Variants in ROR1 observed in about 807,000 individuals in gnomAD.
ROR1 encodes ROR family WNT receptor 1.
ROR1 carries 19 observed loss-of-function variants against 78.8 expected under a neutral mutation model. The ratio of observed to expected loss-of-function variants is 0.24; its 90% CI spans 0.17 to 0.35. The LOEUF is 0.35. Ranked by LOEUF, ROR1 falls within the 10% of genes least tolerant of loss-of-function variation. The probability of loss-of-function intolerance (pLI) is 1.00; values close to 1 mark genes in which losing one functional copy is unlikely to be tolerated. For synonymous variants in ROR1, 386 were observed against 433.6 expected, an observed-to-expected ratio of 0.89 and a Z score of 1.36; for missense variants, 917 against 1,177.8, an observed-to-expected ratio of 0.78 and a Z score of 3.24.
At chr1:63,944,652 C>A (rs1199494394) in intron 1 of ROR1, among the ~76,000 whole-genome samples, 1 of 152,076 alleles carries the variant, frequency 6.6e-6, no homozygotes, top group Non-Finnish European at 1.5e-5. Context: ...AATCATTTTT[C>A]TTCTATCCTC....
chr1:64,061,760 T>C (rs1242335552), intron 4 of ROR1, among the ~76,000 whole-genome samples: 1 of 152,330 alleles, frequency 6.6e-6, no homozygotes, highest in African/African-American at 2.4e-5. Context: ...CAAGTTTCTT[T>C]ATTTGCAAAG....
At chr1:63,926,243 T>TA (rs1315169216) in intron 1 of ROR1, among the ~76,000 whole-genome samples, 1 of 149,088 alleles carries the variant, frequency 6.7e-6, no homozygotes, top group Non-Finnish European at 1.5e-5. Context: ...GGCTAGCCAG[T>TA]TTTCCCAGCA....
chr1:64,032,174 C>A (rs1646666048), intron 2 of ROR1, among the ~76,000 whole-genome samples: 1 of 151,656 alleles, frequency 6.6e-6, no homozygotes. Context: ...AACCCCGTCT[C>A]TACTAAACAT....
At chr1:63,892,893 C>A (rs372650412) in intron 1 of ROR1, among the ~76,000 whole-genome samples, 2 of 152,160 alleles carry the variant, frequency 1.3e-5, no homozygotes, top group East Asian at 3.9e-4. Context: ...CAAAGACTAG[C>A]TTTATGGCAA....
intron 8 of ROR1, among the ~76,000 whole-genome samples, chr1:64,169,651 GT>G (rs1410968601): frequency 1.3e-5 from 2 of 152,096 alleles, no homozygotes; most frequent in Admixed American, 6.6e-5. Context: ...GTCCCCCAAA[GT>G]CTCAACTCAT....
At chr1:63,826,598 G>A (rs1419547383) in intron 1 of ROR1, among the ~76,000 whole-genome samples, 1 of 151,842 alleles carries the variant, frequency 6.6e-6, no homozygotes, top group Middle Eastern at 3.2e-3. Context: ...TATTCCTTTG[G>A]GTACATACCC....
chr1:64,023,572 A>G (rs1177139311), intron 2 of ROR1, among the ~76,000 whole-genome samples: 1 of 152,232 alleles, frequency 6.6e-6, no homozygotes, highest in East Asian at 1.9e-4. Context: ...CTCTTGCAAT[A>G]TCTAAACATA....
At position 64,142,615 on chromosome 1, in the gene ROR1, A is replaced by C. The variant is rs1158466979; in HGVS notation, c.1139A>C (p.Asn380Thr). The change falls in exon 7 of 9, where the codon AAC becomes ACC. Residue 380 changes from asparagine (N) to threonine (T), a missense_variant. Asn to Thr is a moderately conservative substitution (Grantham distance 65). This residue lies in a region of ROR1 where 835 missense variants were observed against 1,069.8 expected (regional missense o/e 0.78). Coordinates refer to ENST00000371079, the MANE Select transcript of ROR1 (RefSeq NM_005012.4). ...CCCTGGTGCTTCACCTTGGATGAAAACTTTAAGTCTGATCTGTGTGACATC... is the reference window on the plus strand; with the variant it reads ...CCCTGGTGCTTCACCTTGGATGAAACCTTTAAGTCTGATCTGTGTGACATC... ...EAPWCFTLDENFKSDLCDIPA... is the reference protein window; with the variant it reads ...EAPWCFTLDETFKSDLCDIPA... The C allele has an allele frequency of 1.9e-6, 3 of 1,613,982 alleles. No homozygotes were observed. In the South Asian group the frequency reaches 3.3e-5, roughly 18 times the overall value.
intron 1 of ROR1, chr1:63,843,327 T>A: frequency 1.8e-6 from 2 of 1,121,496 alleles, no homozygotes; most frequent in Non-Finnish European, 1.4e-6. Context: ...GACGGCGTCC[T>A]TGGAGCTGGC....
At position 63,802,753 on chromosome 1, in the gene ROR1, T is replaced by C. The variant is rs187495371; in HGVS notation, c.91+28245T>C. On this transcript the variant is annotated intron_variant, in intron 1 of 8. Coordinates refer to ENST00000371079, the MANE Select transcript of ROR1 (RefSeq NM_005012.4). ...CAGTAATAGTAACATACTACATATG[T>C]CAATGTTAGACATTTAATCACCTCT... 3.9e-3 allele frequency among the ~76,000 whole-genome samples: 599 copies of C among 152,326 alleles called. 3 individuals carry two copies. Among genetic ancestry groups the C allele is most frequent in the Non-Finnish European group, 5.5e-3 (375 of 68,016 alleles).
intron 1 of ROR1, among the ~76,000 whole-genome samples, chr1:63,853,421 T>G (rs535907860): frequency 5.1e-4 from 77 of 152,296 alleles, no homozygotes; most frequent in Non-Finnish European, 9.9e-4. Context: ...CACCAAAATC[T>G]GAAACGTTTT....
chr1:64,170,662 G>T (rs994882629), intron 8 of ROR1, among the ~76,000 whole-genome samples: 1 of 152,140 alleles, frequency 6.6e-6, no homozygotes, highest in Admixed American at 6.5e-5. Flanking sequence ...CTATTGCATT[G>T]TCAGGCTGCA....
chr1:63,871,999 C>T (rs1395459498), intron 1 of ROR1, among the ~76,000 whole-genome samples: 1 of 152,238 alleles, frequency 6.6e-6, no homozygotes, highest in Non-Finnish European at 1.5e-5. Context: ...TAACGCCAAT[C>T]TTATACTGCA....
rs572431027 is a variant in ROR1, at chr1:64,008,730, G to A, written c.92-575G>A. On this transcript the variant is annotated intron_variant, in intron 1 of 8. Transcript: ENST00000371079. ...GCTCACTGCAACCTCCGCCTCCCAG[G>A]TTCAAGCGATTCTCCTGCCTCAGCC... 5.3e-5 allele frequency among the ~76,000 whole-genome samples: 8 copies of A among 152,206 alleles called. No homozygotes were observed. The East Asian group carries it at 1.5e-3, about 29-fold the overall frequency.
intron 1 of ROR1, among the ~76,000 whole-genome samples, chr1:63,778,513 C>T (rs572629487): frequency 1.3e-5 from 2 of 152,296 alleles, no homozygotes; most frequent in East Asian, 3.9e-4. Flanking sequence ...CCCAGTTTCC[C>T]TTCCACCAGG....
intron 1 of ROR1, among the ~76,000 whole-genome samples, chr1:63,885,846 G>T (rs996515550): frequency 6.6e-6 from 1 of 152,174 alleles, no homozygotes; most frequent in Non-Finnish European, 1.5e-5. Context: ...TTCATGAAAG[G>T]TAGTTCTTCC....
chr1:64,080,161 T>G (rs1228997056), intron 4 of ROR1, among the ~76,000 whole-genome samples: 2 of 152,162 alleles, frequency 1.3e-5, no homozygotes, highest in Non-Finnish European at 2.9e-5. Flanking sequence ...TGGGATTGGT[T>G]GCTTTCTTTT....
At chr1:63,994,882 G>A (rs1284853860) in intron 1 of ROR1, among the ~76,000 whole-genome samples, 6 of 151,420 alleles carry the variant, frequency 4.0e-5, no homozygotes, top group African/African-American at 1.5e-4. Context: ...CAAGTGCACA[G>A]TAGCTTTGGT....
At position 64,178,469 on chromosome 1, in the gene ROR1, A is replaced by C. The variant is rs139700294; in HGVS notation, c.2428A>C (p.Ile810Leu). 6.2e-7 allele frequency: 1 copy of C among 1,614,172 alleles called. No individual in the cohort carries two copies. Among genetic ancestry groups the C allele is most frequent in the Admixed American group, 1.7e-5 (1 of 60,028 alleles). The stretch of plus-strand genomic sequence containing the variant: ...GATTGCTGGTTTCATTGGCCCGCCA[A>C]TACCTCAGAACCAGCGATTCATTCC... ...GQIAGFIGPP[I>L]PQNQRFIPIN... The change falls in exon 9 of 9, where the codon ATA becomes CTA. Residue 810 changes from isoleucine to leucine, a missense_variant. By Grantham distance (5) the Ile-to-Leu change is conservative. Coordinates refer to ENST00000371079, the MANE Select transcript of ROR1 (RefSeq NM_005012.4). The surrounding 1 kb of genome is among the most constrained non-coding windows in gnomAD (Gnocchi z 4.3).
Sources: gnomAD v4.1 joint callset for allele counts (sites outside exome capture counted in the v4.1 genomes callset) on GRCh38, gnomAD v4.1.1 for gene constraint, gnomAD v4.1.1 regional missense constraint, Gnocchi (gnomAD v3.1) non-coding constraint, MANE v1.5 for transcripts, NCBI Gene and HGNC (gene_info 2026-07-23, HGNC 2026-07-21) for gene names.